The following COL5A3 variants were observed in gnomAD, a reference collection of about 807,000 sequenced individuals.
The protein encoded by COL5A3 is collagen type V alpha 3 chain, also known as collagen alpha-3(V) chain.
Under a neutral mutation model 250.0 loss-of-function variants are expected in COL5A3, and 172 were observed. The observed-to-expected ratio is 0.69, with a 90% CI of 0.61 to 0.78. The LOEUF is 0.78. Ranked by LOEUF, COL5A3 falls within the 30% of genes least tolerant of loss-of-function variation. The pLI, the probability that COL5A3 is intolerant of heterozygous loss-of-function variation, is 0.00. For synonymous variants in COL5A3, 937 were observed against 900.4 expected (o/e 1.04, Z -0.73); for missense variants, 2,340 against 2,334.4 (o/e 1.00, Z -0.05).
In COL5A3 at chr19:9,992,894, G is replaced by C; in HGVS notation, c.1795-14C>G. 1 of 1,613,736 alleles carries C rather than the reference G, an allele frequency of 6.2e-7. No individual in the cohort carries two copies. Reference sequence around the variant, plus strand: ...TCCTCGTGGACCCTGCAAGGGAGCAGGCGAATTATTTCCACATCACCTCTG... The same window carrying C: ...TCCTCGTGGACCCTGCAAGGGAGCACGCGAATTATTTCCACATCACCTCTG... On this transcript the variant is annotated splice_polypyrimidine_tract_variant and intron_variant, in intron 20 of 66. Coordinates refer to ENST00000264828, the MANE Select transcript of COL5A3 (RefSeq NM_015719.4).
intron 31 of COL5A3, among the ~76,000 whole-genome samples, chr19:9,982,564 T>C (rs970286141): frequency 2.6e-5 from 4 of 152,196 alleles, no homozygotes; most frequent in African/African-American, 9.7e-5. Flanking sequence ...TTTCCCCCAC[T>C]GTGACATAGC....
rs1047967779 is a variant in COL5A3, at chr19:9,995,923, T to A, written c.1533+143A>T. ...CCTCCCAAAGTTCTGGGATTCCAGA[T>A]GTGAGCCACCATTCTCTAGGAAAGT... On this transcript the variant is annotated intron_variant, in intron 15 of 66. Transcript: ENST00000264828. The A allele has an allele frequency of 2.9e-5, 26 of 881,750 alleles. No individual in the cohort carries two copies. In the African/African-American group the frequency reaches 4.4e-4, roughly 15 times the overall value. The allele number at this position is 881,750 out of a possible 1,614,324, so 54.6% of individuals were successfully genotyped here.
intron 23 of COL5A3, 62 bp from the exon 24 acceptor site, chr19:9,991,716 G>A (rs2087193477): frequency 6.2e-7 from 1 of 1,602,832 alleles, no homozygotes; most frequent in Non-Finnish European, 8.5e-7. Context: ...GTGGAGGTTG[G>A]GAAGCCTGGT....
At chr19:9,989,628 G>C in intron 24 of COL5A3, 106 bp from the exon 25 acceptor site, 2 of 1,012,398 alleles carry the variant, frequency 2.0e-6, no homozygotes, top group Non-Finnish European at 2.8e-6. Flanking sequence ...GAAATAAGCA[G>C]ACCTCACTGG....
At chr19:9,996,285 G>A (rs746194073) in intron 13 of COL5A3, 23 bp from the exon 14 acceptor site, 2 of 1,555,728 alleles carry the variant, frequency 1.3e-6, no homozygotes, top group Admixed American at 2.0e-5. Flanking sequence ...AGGAGTCAGA[G>A]CTTGGGGCCT....
chr19:9,993,569 G>C, intron 18 of COL5A3, 50 bp downstream of exon 18: 2 of 1,601,736 alleles, frequency 1.2e-6, no homozygotes, highest in Non-Finnish European at 1.7e-6. Context: ...GGGGGGGCTT[G>C]AATATTGGGA....
At position 9,980,818 on chromosome 19, in the gene COL5A3, T is replaced by C. The variant is rs2086998497; in HGVS notation, c.2547A>G (p.Gln849=). 6.2e-7 allele frequency: 1 copy of C among 1,612,658 alleles called. No individual in the cohort carries two copies. The highest frequency in any genetic ancestry group is 1.3e-5 in the African/African-American group (1 of 74,938). The change falls in exon 34 of 67, where the codon CAA becomes CAG. Residue 849 remains glutamine, a synonymous_variant. Transcript: ENST00000264828. ...GERGQPGATG[Q]PGPKGDVGQD... ...ACCCATCCCATACCTTGGGGCCTGG[T>C]TGCCCTGTGGCACCCGGTTGCCCCC... is the stretch of plus-strand genomic sequence containing the variant.
rs1212978795 is a variant in COL5A3 at position 9,973,512 on chromosome 19, C to T, written c.3666+58G>A. 4.5e-6 allele frequency: 7 copies of T among 1,555,654 alleles called. No individual in the cohort carries two copies. The East Asian group carries it at 1.6e-4, about 35-fold the overall frequency. The stretch of plus-strand genomic sequence containing the variant: ...CCAGAGGTCAAAGTGGCCCAAGATG[C>T]CCAGGGGTCAGGGGTTCCCTGAGTT... On this transcript the variant is annotated intron_variant, in intron 50 of 66. Transcript: ENST00000264828.
intron 6 of COL5A3, 53 bp downstream of exon 6, chr19:10,003,512 A>G (rs967525773): frequency 2.5e-6 from 4 of 1,580,564 alleles, no homozygotes; most frequent in Non-Finnish European, 3.5e-6. Context: ...CAGACAGTCA[A>G]GACCGGAAGT....
Position 9,997,396 on chromosome 19 carries a change from C to A in COL5A3, c.1238G>T (p.Gly413Val). 1 of 1,610,472 alleles carries A rather than the reference C, an allele frequency of 6.2e-7. No homozygotes were observed. Among genetic ancestry groups the A allele is most frequent in the Non-Finnish European group, 8.5e-7 (1 of 1,178,806 alleles). Residue 413 changes from glycine to valine, a missense_variant, in exon 11 of 67, where the codon GGA (glycine) becomes GTA (valine). Around this residue, in one of 3 missense-constraint regions of COL5A3, gnomAD observed 1,152 missense variants for 1,146.3 expected, o/e 1.00. Coordinates refer to ENST00000264828, the MANE Select transcript of COL5A3 (RefSeq NM_015719.4). Reference protein sequence around the residue: ...VGPSGPPGPPGFPGDPGPPGP... With the variant: ...VGPSGPPGPPVFPGDPGPPGP... ...CGGTGGACCAGGGTCGCCAGGGAAT[C>A]CTGGGGGGCCGGGAGGGCCTGAGGG...
chr19:9,991,668 A>T lies in COL5A3; in HGVS notation c.1948-14T>A, dbSNP rs1186909297. On this transcript the variant is annotated splice_polypyrimidine_tract_variant and intron_variant, in intron 23 of 66. Transcript: ENST00000264828. Reference sequence around the variant, plus strand: ...ACCGGGGAGTCCCTGGAGACAGAAAAAGAAGATGAGAGAAGGCATAAGAAA... The same window carrying T: ...ACCGGGGAGTCCCTGGAGACAGAAATAGAAGATGAGAGAAGGCATAAGAAA... 1.2e-6 allele frequency: 2 copies of T among 1,612,940 alleles called. No individual in the cohort carries two copies. Among genetic ancestry groups the T allele is most frequent in the African/African-American group, 2.7e-5 (2 of 74,820 alleles).
Position 9,989,580 on chromosome 19 carries a change from C to A in COL5A3, c.1993-58G>T. The A allele has an allele frequency of 2.0e-6, 3 of 1,475,144 alleles. No homozygotes were observed. In the South Asian group the frequency reaches 3.8e-5, roughly 19 times the overall value. The allele number at this position is 1,475,144 out of a possible 1,614,324, so 91.4% of individuals were successfully genotyped here. A position where few individuals can be genotyped will look rare whatever the true frequency, so the allele number is the denominator to read the frequency against. ...AGGTGCTCAGAGCCCTGGAGCACCA[C>A]TAGGATCTACGCAGACATGCAGCCG... On this transcript the variant is annotated intron_variant, in intron 24 of 66. Coordinates refer to ENST00000264828, the MANE Select transcript of COL5A3 (RefSeq NM_015719.4).
intron 26 of COL5A3, 22 bp downstream of exon 26, chr19:9,989,300 G>A (rs778153154): frequency 3.7e-6 from 6 of 1,614,070 alleles, no homozygotes; most frequent in Non-Finnish European, 5.1e-6. Context: ...CCCCAACCCA[G>A]CCTAACCTCC....
chr19:10,002,993 G>A (rs2087387013), intron 6 of COL5A3, among the ~76,000 whole-genome samples: 1 of 152,014 alleles, frequency 6.6e-6, no homozygotes, highest in African/African-American at 2.4e-5. Flanking sequence ...TTCTATCCAT[G>A]ACCTTCCACT....
At chr19:9,991,196 T>C (rs928912499) in intron 24 of COL5A3, among the ~76,000 whole-genome samples, 1 of 152,132 alleles carries the variant, frequency 6.6e-6, no homozygotes, top group African/African-American at 2.4e-5. Context: ...GAGGCATTAT[T>C]GAGCCACTGC....
At chr19:9,973,842 G>A (rs778822471) in intron 48 of COL5A3, 33 bp from the exon 49 acceptor site, 29 of 1,612,146 alleles carry the variant, frequency 1.8e-5, no homozygotes, top group Non-Finnish European at 2.5e-5. Context: ...GAGTGGGACT[G>A]TGGAATCCCA....
intron 19 of COL5A3, 57 bp from the exon 20 acceptor site, chr19:9,993,124 TC>T: frequency 6.4e-7 from 1 of 1,566,488 alleles, no homozygotes; most frequent in African/African-American, 1.4e-5. Flanking sequence ...GAGAGCCACC[TC>T]CCCTCATCTG....
rs559665630 is a variant in COL5A3 at position 9,963,785 on chromosome 19, G to A, written c.4783-898C>T. Among the ~76,000 whole-genome samples, 23 of 152,082 alleles carry A rather than the reference G, an allele frequency of 1.5e-4. No individual in the cohort carries two copies. In the East Asian group the frequency reaches 2.7e-3, roughly 18 times the overall value. On this transcript the variant is annotated intron_variant, in intron 64 of 66. Transcript: ENST00000264828. ...GTTTAGGGATCAAGTCTTGCACTCC[G>A]GGCCCAGTGGGAAGTCCAAGCTTGT...
rs779279539 is a variant in COL5A3, at chr19:9,985,841, C to T, written c.2406+1G>A. On this transcript the variant is annotated splice_donor_variant, in intron 31 of 66. Transcript: ENST00000264828. LOFTEE classifies it high-confidence loss of function. ...TCCACCCCCCACCCCCAGCTTCCTA[C>T]CTTAGGTCCAGGGCGTCCTGGATAA... 6.2e-7 allele frequency: 1 copy of T among 1,613,438 alleles called. No homozygotes were observed. Among genetic ancestry groups the T allele is most frequent in the African/African-American group, 1.3e-5 (1 of 75,034 alleles).
Sources: allele counts gnomAD v4.1 joint callset (sites outside exome capture counted in the v4.1 genomes callset), GRCh38; gene constraint gnomAD v4.1.1; regional missense constraint gnomAD v4.1.1; transcripts MANE v1.5; gene names NCBI Gene and HGNC (gene_info 2026-07-23, HGNC 2026-07-21).